The following COL9A2 variants were observed in gnomAD, a reference collection of about 807,000 sequenced individuals.
COL9A2 encodes the protein collagen type IX alpha 2 chain.
Under a neutral mutation model 111.6 loss-of-function variants are expected in COL9A2, and 66 were observed. The ratio of observed to expected loss-of-function variants is 0.59; its 90% CI spans 0.48 to 0.73. The LOEUF (loss-of-function observed/expected upper bound fraction) is 0.73, where lower values mean the gene tolerates loss of function less well. Ranked by LOEUF, COL9A2 falls within the 30% of genes least tolerant of loss-of-function variation. The pLI, the probability that COL9A2 is intolerant of heterozygous loss-of-function variation, is 0.00. For synonymous variants in COL9A2, 353 were observed against 364.1 expected (o/e 0.97, Z 0.35); for missense variants, 881 against 954.1 (o/e 0.92, Z 1.01).
At position 40,316,158 on chromosome 1, in the gene COL9A2, C is replaced by T. The variant is rs1277803128; in HGVS notation, c.76-494G>A. ...GAACGACAGGCAGAGACAGCGCCTC[C>T]TCCTCTCCCCATGGTGCGGGAAAAC... On this transcript the variant is annotated intron_variant, in intron 1 of 31. Coordinates refer to ENST00000372748, the MANE Select transcript of COL9A2 (RefSeq NM_001852.4). This position sits in a 1 kb window ranked among gnomAD's most constrained non-coding sequence, Gnocchi z 5.5. 1 of 162,632 alleles carries T rather than the reference C, an allele frequency of 6.1e-6. No individual in the cohort carries two copies. The allele number at this position is 162,632 out of a possible 1,614,324, so 10.1% of individuals were successfully genotyped here.
In COL9A2 at chr1:40,312,427, G is replaced by C. The variant is rs1239395729; in HGVS notation, c.363+29C>G. On this transcript the variant is annotated intron_variant, in intron 7 of 31. Coordinates refer to ENST00000372748, the MANE Select transcript of COL9A2 (RefSeq NM_001852.4). The surrounding 1 kb of genome is among the most constrained non-coding windows in gnomAD (Gnocchi z 6.0). ...GTCCCCTCCTTCCCTGGGAGTTCTG[G>C]GGATCCTGCCCCATCCCTGAGGACT... 5.6e-6 allele frequency: 9 copies of C among 1,611,410 alleles called. No individual in the cohort carries two copies. The Admixed American group carries it at 1.5e-4, about 27-fold the overall frequency.
In COL9A2 at chr1:40,301,215, G is replaced by A. The variant is rs757963762; in HGVS notation, c.2037C>T (p.Arg679=). 1.4e-5 allele frequency: 23 copies of A among 1,613,890 alleles called. No homozygotes were observed. The highest frequency in any genetic ancestry group is 1.0e-4 in the Admixed American group (6 of 60,006). ...CLGASAYASA[R]LTEPGSIKGP is the part of the protein sequence containing the mutation. ...CCTTGATGGATCCAGGCTCTGTAAG[G>A]CGGGCAGAGGCATAGGCCGAAGCTC... Residue 679 remains arginine, a synonymous_variant, in exon 32 of 32, where the codon CGC becomes CGT. Transcript: ENST00000372748.
intron 20 of COL9A2, 111 bp from the exon 21 acceptor site, chr1:40,305,879 G>A: frequency 1.0e-6 from 1 of 979,218 alleles, no homozygotes; most frequent in South Asian, 1.3e-5. Flanking sequence ...CTGGGACGGG[G>A]GAGAGGGTAT....
At chr1:40,315,871 G>T in intron 1 of COL9A2, 2 of 459,180 alleles carry the variant, frequency 4.4e-6, no homozygotes, top group Non-Finnish European at 7.8e-6. Context: ...GGAGGCGGGC[G>T]CTATTACGGG....
In COL9A2 at chr1:40,301,148, A is replaced by G. The variant is rs1342612340; in HGVS notation, c.*34T>C. 4 of 1,610,916 alleles carry G rather than the reference A, an allele frequency of 2.5e-6. No individual in the cohort carries two copies. Among genetic ancestry groups the G allele is most frequent in the Non-Finnish European group, 3.4e-6 (4 of 1,178,882 alleles). ...CAGAGGGGACCTGGTCCTTCCCGCCAGGATGCCTGCCAGGCTCTGTCTGGG... is the reference window on the plus strand; with the variant it reads ...CAGAGGGGACCTGGTCCTTCCCGCCGGGATGCCTGCCAGGCTCTGTCTGGG... On this transcript the variant is annotated 3_prime_UTR_variant, in exon 32 of 32. Coordinates refer to ENST00000372748, the MANE Select transcript of COL9A2 (RefSeq NM_001852.4).
chr1:40,303,873 C>T lies in COL9A2; in HGVS notation c.1369-34G>A, dbSNP rs1643960564. On this transcript the variant is annotated intron_variant, in intron 26 of 31. Transcript: ENST00000372748. This position sits in a 1 kb window ranked among gnomAD's most constrained non-coding sequence, Gnocchi z 4.6. The stretch of plus-strand genomic sequence containing the variant: ...ACAAGGAGCAGCGGTCACGAAGCCG[C>T]GGGGACCCCGGGGCCAGCCGCCGCT... 2.6e-6 allele frequency: 4 copies of T among 1,549,144 alleles called. No individual in the cohort carries two copies. Among genetic ancestry groups the T allele is most frequent in the Non-Finnish European group, 2.6e-6 (3 of 1,146,720 alleles).
chr1:40,309,538 G>A (rs1249454356), intron 16 of COL9A2, among the ~76,000 whole-genome samples: 1 of 151,986 alleles, frequency 6.6e-6, no homozygotes, highest in Non-Finnish European at 1.5e-5. Flanking sequence ...GTGACCATGG[G>A]ACTGGATCCC....
In COL9A2 at chr1:40,311,254, A is replaced by C; in HGVS notation, c.552T>G (p.Gly184=). 1 of 1,613,856 alleles carries C rather than the reference A, an allele frequency of 6.2e-7. No individual in the cohort carries two copies. The highest frequency in any genetic ancestry group is 8.5e-7 in the Non-Finnish European group (1 of 1,179,958). ...CCTTCACTCCCTGCAGCCCTGGGGG[A>C]CCTTTCATTCCGGGTGGACAGTTGG... The part of the protein sequence containing the change: ...CPTNCPPGMK[G]PPGLQGVKGH... The change falls in exon 11 of 32, where the codon GGT becomes GGG. Residue 184 remains glycine, a synonymous_variant. Coordinates refer to ENST00000372748, the MANE Select transcript of COL9A2 (RefSeq NM_001852.4). The surrounding 1 kb of genome is among the most constrained non-coding windows in gnomAD (Gnocchi z 5.1).
intron 4 of COL9A2, among the ~76,000 whole-genome samples, chr1:40,313,225 G>T (rs1359821496): frequency 1.3e-5 from 2 of 151,410 alleles, no homozygotes; most frequent in Non-Finnish European, 2.9e-5. Context: ...CTGGAGTGCA[G>T]TGGCACAGTC....
rs1342497481 is a variant in COL9A2 at position 40,307,218 on chromosome 1, A to G, written c.1008+228T>C. 1.3e-5 allele frequency among the ~76,000 whole-genome samples: 2 copies of G among 152,238 alleles called. No homozygotes were observed. Among genetic ancestry groups the G allele is most frequent in the East Asian group, 1.9e-4 (1 of 5,196 alleles). ...GCGGTGGGGAGCCATGGAAGGTGCT[A>G]TAGTGCAGAAATGGTCAGATCCCAT... On this transcript the variant is annotated intron_variant, in intron 19 of 31. Coordinates refer to ENST00000372748, the MANE Select transcript of COL9A2 (RefSeq NM_001852.4). The surrounding 1 kb of genome is among the most constrained non-coding windows in gnomAD (Gnocchi z 4.8).
At position 40,307,803 on chromosome 1, in the gene COL9A2, T is replaced by C. The variant is rs747062573; in HGVS notation, c.901-47A>G. ...GGGAGAGTGATAATGCGGAGATGTC[T>C]GGGGTCTGGCCACCCACCCCTGTTC... On this transcript the variant is annotated intron_variant, in intron 17 of 31. Coordinates refer to ENST00000372748, the MANE Select transcript of COL9A2 (RefSeq NM_001852.4). This position sits in a 1 kb window ranked among gnomAD's most constrained non-coding sequence, Gnocchi z 4.8. 2.4e-5 allele frequency: 38 copies of C among 1,602,118 alleles called. No individual in the cohort carries two copies. The highest frequency in any genetic ancestry group is 3.1e-5 in the Non-Finnish European group (36 of 1,169,814).
Position 40,310,870 on chromosome 1 carries a change from G to A in COL9A2, c.631-103C>T. On this transcript the variant is annotated intron_variant, in intron 12 of 31. Transcript: ENST00000372748. This position sits in a 1 kb window ranked among gnomAD's most constrained non-coding sequence, Gnocchi z 4.9. ...TTTTCCCCAGCACAAGCAGACGGGA[G>A]GGACTACTACGAACCCTACAGTCCT... 9.0e-7 allele frequency: 1 copy of A among 1,109,884 alleles called. No homozygotes were observed. Among genetic ancestry groups the A allele is most frequent in the Non-Finnish European group, 1.3e-6 (1 of 746,962 alleles). The allele number at this position is 1,109,884 out of a possible 1,614,324, so 68.8% of individuals were successfully genotyped here. A position where few individuals can be genotyped will look rare whatever the true frequency, so the allele number is the denominator to read the frequency against.
At chr1:40,315,253 G>A (rs543084) in intron 2 of COL9A2, 1 of 1,136,460 alleles carries the variant, frequency 8.8e-7, no homozygotes, top group Non-Finnish European at 1.1e-6. Context: ...GAAGCGTCCA[G>A]ATGTGCCAGA....
intron 16 of COL9A2, among the ~76,000 whole-genome samples, chr1:40,308,548 A>G (rs999721178): frequency 6.6e-6 from 1 of 152,218 alleles, no homozygotes; most frequent in Admixed American, 6.5e-5. Context: ...GAACACAACA[A>G]CCGAATGCAG....
Position 40,303,019 on chromosome 1 carries a change from A to G in COL9A2, c.1603+112T>C. 1 of 1,222,422 alleles carries G rather than the reference A, an allele frequency of 8.2e-7. No homozygotes were observed. Among genetic ancestry groups the G allele is most frequent in the Non-Finnish European group, 1.2e-6 (1 of 851,666 alleles). The allele number at this position is 1,222,422 out of a possible 1,614,324, so 75.7% of individuals were successfully genotyped here. A position where few individuals can be genotyped will look rare whatever the true frequency, so the allele number is the denominator to read the frequency against. On this transcript the variant is annotated intron_variant, in intron 29 of 31. Transcript: ENST00000372748. The surrounding 1 kb of genome is among the most constrained non-coding windows in gnomAD (Gnocchi z 4.6). ...ACCCTTCAGAGACTGGACTGGAAGG[A>G]GCCCCCAGGACTCCAGATTTTCAGA...
At chr1:40,309,433 GGAAAAA>G in intron 16 of COL9A2, among the ~76,000 whole-genome samples, 1 of 143,836 alleles carries the variant, frequency 7.0e-6, no homozygotes, top group East Asian at 2.1e-4. Context: ...CTATTAATTG[GGAAAAA>G]AAAAAAAAAA....
In COL9A2 at chr1:40,303,072, G is replaced by C. The variant is rs192135965; in HGVS notation, c.1603+59C>G. On this transcript the variant is annotated intron_variant, in intron 29 of 31. Coordinates refer to ENST00000372748, the MANE Select transcript of COL9A2 (RefSeq NM_001852.4). The surrounding 1 kb of genome is among the most constrained non-coding windows in gnomAD (Gnocchi z 4.6). ...AGTGAACACGTGGAGGCTCCGGGAGGGGGTGAGGGGGCGGCGATGCCCTCG... is the reference window on the plus strand; with the variant it reads ...AGTGAACACGTGGAGGCTCCGGGAGCGGGTGAGGGGGCGGCGATGCCCTCG... 9.4e-5 allele frequency: 145 copies of C among 1,545,530 alleles called. No homozygotes were observed. In the African/African-American group the frequency reaches 1.7e-3, roughly 18 times the overall value.
At position 40,302,889 on chromosome 1, in the gene COL9A2, C is replaced by A. The variant is rs1361229981; in HGVS notation, c.1604-80G>T. ...GTAACACTAGGGGAGGCAGAGCATT[C>A]CGATGGGCCCTGGCCCCTAGGTTTG... On this transcript the variant is annotated intron_variant, in intron 29 of 31. Coordinates refer to ENST00000372748, the MANE Select transcript of COL9A2 (RefSeq NM_001852.4). The surrounding 1 kb of genome is among the most constrained non-coding windows in gnomAD (Gnocchi z 4.5). 5 of 1,399,538 alleles carry A rather than the reference C, an allele frequency of 3.6e-6. No homozygotes were observed. In the South Asian group the frequency reaches 6.2e-5, roughly 17 times the overall value. 86.7% of individuals were successfully genotyped at this position (1,399,538 alleles called of 1,614,324 possible).
Position 40,303,033 on chromosome 1 carries a change from C to T in COL9A2, c.1603+98G>A. 7.4e-7 allele frequency: 1 copy of T among 1,352,624 alleles called. No homozygotes were observed. Among genetic ancestry groups the T allele is most frequent in the South Asian group, 1.2e-5 (1 of 80,346 alleles). 83.8% of individuals were successfully genotyped at this position (1,352,624 alleles called of 1,614,324 possible). ...GGACTGGAAGGAGCCCCCAGGACTCCAGATTTTCAGACAAGTGAACACGTG... is the reference window on the plus strand; with the variant it reads ...GGACTGGAAGGAGCCCCCAGGACTCTAGATTTTCAGACAAGTGAACACGTG... On this transcript the variant is annotated intron_variant, in intron 29 of 31. Coordinates refer to ENST00000372748, the MANE Select transcript of COL9A2 (RefSeq NM_001852.4). The surrounding 1 kb of genome is among the most constrained non-coding windows in gnomAD (Gnocchi z 4.6).
Sources: allele counts gnomAD v4.1 joint callset (sites outside exome capture counted in the v4.1 genomes callset), GRCh38; gene constraint gnomAD v4.1.1; non-coding constraint Gnocchi (gnomAD v3.1); transcripts MANE v1.5; gene names NCBI Gene and HGNC (gene_info 2026-07-23, HGNC 2026-07-21).